TARBP1: variants seen among roughly 807,000 people sequenced by gnomAD.
TARBP1 encodes the protein tRNA guanosine 2 -O-methyltransferase TARBP1.
In TARBP1, 144 loss-of-function variants were observed where a neutral mutation model predicts 178.6. The observed-to-expected ratio is 0.81, with a 90% CI of 0.70 to 0.93. The LOEUF is 0.93. Ranked by LOEUF, TARBP1 falls within the 40% of genes least tolerant of loss-of-function variation. The probability of loss-of-function intolerance (pLI) is 0.00; values close to 1 mark genes in which losing one functional copy is unlikely to be tolerated. For synonymous variants in TARBP1, 787 were observed against 781.0 expected (o/e 1.01, Z -0.13); for missense variants, 2,067 against 2,011.7 (o/e 1.03, Z -0.53).
intron 4 of TARBP1, 32 bp downstream of exon 4, chr1:234,467,470 T>C (rs371823585): frequency 6.7e-6 from 10 of 1,487,472 alleles, no homozygotes; most frequent in African/African-American, 1.4e-5. Flanking sequence ...CTTTCAACAA[T>C]GGGAGCAAGG....
chr1:234,446,750 TA>T, intron 12 of TARBP1, 52 bp downstream of exon 12: 2 of 1,485,360 alleles, frequency 1.3e-6, no homozygotes, highest in Non-Finnish European at 1.8e-6. Context: ...TCTAGAACTC[TA>T]AATACCAATG....
chr1:234,472,988 T>G (rs1669217373), intron 1 of TARBP1, among the ~76,000 whole-genome samples, 177 bp from the exon 2 acceptor site: 1 of 151,516 alleles, frequency 6.6e-6, no homozygotes, highest in Non-Finnish European at 1.5e-5. Context: ...GATTTTTTTT[T>G]GCACTAAGAT....
chr1:234,428,790 C>G (rs1005051956), intron 17 of TARBP1, among the ~76,000 whole-genome samples: 1 of 152,222 alleles, frequency 6.6e-6, no homozygotes, highest in African/African-American at 2.4e-5. Flanking sequence ...ACGTGATCCG[C>G]CCGCCTCAGC....
At position 234,430,247 on chromosome 1, in the gene TARBP1, T is replaced by C. The variant is rs745761706; in HGVS notation, c.2449A>G (p.Met817Val). The change falls in exon 15 of 30, where the codon ATG (methionine) becomes GTG (valine). Residue 817 changes from methionine to valine, a missense_variant. Coordinates refer to ENST00000040877, the MANE Select transcript of TARBP1 (RefSeq NM_005646.4). ...QRVVSMAALA[M>V]VCEAIDQKPE... is the part of the protein sequence containing the mutation. The stretch of plus-strand genomic sequence containing the variant: ...TTCTGGTCTATGGCCTCACACACCA[T>C]GGCCAAGGCAGCCATGCTCACTACT... 2.5e-6 allele frequency: 4 copies of C among 1,614,050 alleles called. No individual in the cohort carries two copies. The highest frequency in any genetic ancestry group is 2.7e-5 in the African/African-American group (2 of 74,936).
intron 24 of TARBP1, 99 bp downstream of exon 24, chr1:234,405,804 G>A: frequency 1.4e-5 from 16 of 1,146,174 alleles, no homozygotes; most frequent in Non-Finnish European, 1.8e-5. Context: ...GCAGCATGAG[G>A]ATGTGGAAGG....
Position 234,467,569 on chromosome 1 carries a change from T to A in TARBP1, c.1181A>T (p.Glu394Val). ...CAGCTCCAAAAAATGGATAACACCTTCTTTGGACAGGATTTTGTTTTCACT... is the reference window on the plus strand; with the variant it reads ...CAGCTCCAAAAAATGGATAACACCTACTTTGGACAGGATTTTGTTTTCACT... ...FESENKILSK[E>V]GVIHFLELYE... Residue 394 changes from glutamate to valine, a missense_variant, in exon 4 of 30, where the codon GAA (glutamate) becomes GTA (valine). Transcript: ENST00000040877. 1.2e-6 allele frequency: 2 copies of A among 1,609,210 alleles called. No individual in the cohort carries two copies. The highest frequency in any genetic ancestry group is 3.4e-5 in the Admixed American group (2 of 58,540).
chr1:234,406,210 C>T, intron 23 of TARBP1, 111 bp from the exon 24 acceptor site: 1 of 952,844 alleles, frequency 1.0e-6, no homozygotes, highest in Admixed American at 2.7e-5. Flanking sequence ...AGTAAAACTT[C>T]TTCCACTGGC....
In TARBP1 at chr1:234,418,955, A is replaced by G. The variant is rs1033439082; in HGVS notation, c.3556-722T>C. ...TGGGAGGCCGAGGCGGGCGGATCAC[A>G]AGGTCAGAAGATCGAGACCATCCTG... On this transcript the variant is annotated intron_variant, in intron 21 of 29. Coordinates refer to ENST00000040877, the MANE Select transcript of TARBP1 (RefSeq NM_005646.4). 1.5e-4 allele frequency among the ~76,000 whole-genome samples: 23 copies of G among 152,204 alleles called. No homozygotes were observed. In the East Asian group the frequency reaches 1.5e-3, roughly 10 times the overall value.
In TARBP1 at chr1:234,471,256, A is replaced by C. The variant is rs778247940; in HGVS notation, c.1031T>G (p.Ile344Arg). Residue 344 changes from isoleucine (I) to arginine (R), a missense_variant and splice_region_variant, in exon 3 of 30, where the codon ATA becomes AGA. Physicochemically the swap from Ile to Arg is moderately conservative, Grantham distance 97. Coordinates refer to ENST00000040877, the MANE Select transcript of TARBP1 (RefSeq NM_005646.4). ...LIMETLEGNQ[I>R]HVIKPVLPKL... is the part of the protein sequence containing the mutation. ...TGGTAAAACTGGCTTTATAACATGT[A>C]TCTAAAAATAAGAGCAAAAAAATCA... is the stretch of plus-strand genomic sequence containing the variant. 1.3e-6 allele frequency: 2 copies of C among 1,579,438 alleles called. No individual in the cohort carries two copies. Among genetic ancestry groups the C allele is most frequent in the Non-Finnish European group, 1.7e-6 (2 of 1,164,912 alleles).
At chr1:234,419,599 C>T (rs1335735260) in intron 21 of TARBP1, among the ~76,000 whole-genome samples, 3 of 152,146 alleles carry the variant, frequency 2.0e-5, no homozygotes. Context: ...TTTCCCCACC[C>T]TCTCCAACAT....
chr1:234,425,753 T>G lies in TARBP1; in HGVS notation c.3364A>C (p.Lys1122Gln). Residue 1122 changes from lysine to glutamine, a missense_variant, in exon 20 of 30, where the codon AAA becomes CAA. Physicochemically the swap from Lys to Gln is moderately conservative, Grantham distance 53 (BLOSUM62 1). Transcript: ENST00000040877. ...EDHYVRICAV[K>Q]FLCLLDGSNM... ...GAGCCATCTAATAAACACAGGAATT[T>G]GACAGCACAAATTCTCACATAATGG... The G allele has an allele frequency of 6.2e-7, 1 of 1,604,506 alleles. No individual in the cohort carries two copies.
Position 234,391,573 on chromosome 1 carries a change from C to T in TARBP1, c.*4G>A, listed in dbSNP as rs1376574835. 2.5e-6 allele frequency: 4 copies of T among 1,598,754 alleles called. No individual in the cohort carries two copies. The East Asian group carries it at 6.7e-5, about 27-fold the overall frequency. On this transcript the variant is annotated 3_prime_UTR_variant, in exon 30 of 30. Transcript: ENST00000040877. ...AGCAGCAGCAGTTCACTAAGGAAGG[C>T]ACATCATGGCTTGGTATCTCCGTGC... is the stretch of plus-strand genomic sequence containing the variant.
In TARBP1 at chr1:234,460,373, G is replaced by A. The variant is rs145018280; in HGVS notation, c.1423C>T (p.Arg475Trp). The A allele has an allele frequency of 7.5e-5, 121 of 1,613,996 alleles. 1 individual carries two copies. The highest frequency in any genetic ancestry group is 6.4e-4 in the South Asian group (58 of 91,040). The change falls in exon 7 of 30, where the codon CGG becomes TGG. Residue 475 changes from arginine (R) to tryptophan (W), a missense_variant. Arg to Trp is a moderately radical substitution (Grantham distance 101, BLOSUM62 -3). Transcript: ENST00000040877. The stretch of plus-strand genomic sequence containing the variant: ...CACCAATGCCTACTTGTCATCTTCC[G>A]AATAAACTTCAATAGGAAGCTACCT... ...IKSSFLLKFI[R>W]KMTSRHWCAV...
At chr1:234,447,394 CTTTT>C (rs36066908) in intron 11 of TARBP1, among the ~76,000 whole-genome samples, 1 of 104,622 alleles carries the variant, frequency 9.6e-6, no homozygotes, top group Non-Finnish European at 1.8e-5. Flanking sequence ...TGTTAACCAA[CTTTT>C]TTTTTTTTTT....
rs866112550 is a variant in TARBP1, at chr1:234,403,564, G to A, written c.3990-2302C>T. 2.6e-5 allele frequency among the ~76,000 whole-genome samples: 4 copies of A among 152,320 alleles called. No homozygotes were observed. The South Asian group carries it at 8.3e-4, about 32-fold the overall frequency. On this transcript the variant is annotated intron_variant, in intron 24 of 29. Transcript: ENST00000040877. ...CCCATTTGACTGTGAGTCACATGAAGAAAGAGGCTCATCTACCTGGCTAAG... is the reference window on the plus strand; with the variant it reads ...CCCATTTGACTGTGAGTCACATGAAAAAAGAGGCTCATCTACCTGGCTAAG...
chr1:234,433,378 A>G (rs780152244), intron 14 of TARBP1, 32 bp downstream of exon 14: 2 of 1,600,070 alleles, frequency 1.2e-6, no homozygotes, highest in African/African-American at 2.7e-5. Context: ...CTTATTCAAG[A>G]TAACTACAAA....
chr1:234,446,895 G>A lies in TARBP1; in HGVS notation c.2042C>T (p.Ala681Val). The A allele has an allele frequency of 6.2e-7, 1 of 1,613,972 alleles. No individual in the cohort carries two copies. The highest frequency in any genetic ancestry group is 1.1e-5 in the South Asian group (1 of 91,080). The change falls in exon 12 of 30, where the codon GCC (alanine) becomes GTC (valine). Residue 681 changes from alanine to valine, a missense_variant. Coordinates refer to ENST00000040877, the MANE Select transcript of TARBP1 (RefSeq NM_005646.4). Reference protein sequence around the residue: ...LDVLMKFSTNAYMPLLKTDRC... With the variant: ...LDVLMKFSTNVYMPLLKTDRC... The stretch of plus-strand genomic sequence containing the variant: ...GTCAGTCTTCAGCAAGGGCATGTAG[G>A]CATTGGTACTAAACTTCATAAGCAC...
In TARBP1 at chr1:234,440,080, C is replaced by G. The variant is rs1665441189; in HGVS notation, c.2135-2708G>C. Among the ~76,000 whole-genome samples the G allele has an allele frequency of 2.0e-5, 3 of 152,002 alleles. No individual in the cohort carries two copies. In the South Asian group the frequency reaches 6.2e-4, roughly 32 times the overall value. On this transcript the variant is annotated intron_variant, in intron 12 of 29. Transcript: ENST00000040877. ...ATGTAATTAAATTAGAAAGCAGTAA[C>G]TAGGAAAGTCTCCAAAGATGTTCTA...
chr1:234,440,309 T>A (rs1572330500), intron 12 of TARBP1, among the ~76,000 whole-genome samples: 1 of 141,008 alleles, frequency 7.1e-6, no homozygotes, highest in Admixed American at 7.0e-5. Context: ...AAAGGCAAAA[T>A]AAACCAAACC....
Sources: allele counts gnomAD v4.1 joint callset (sites outside exome capture counted in the v4.1 genomes callset), GRCh38; gene constraint gnomAD v4.1.1; transcripts MANE v1.5; gene names NCBI Gene and HGNC (gene_info 2026-07-23, HGNC 2026-07-21).